Variants in PPP1R9A observed in about 807,000 individuals in gnomAD.
The protein encoded by PPP1R9A is protein phosphatase 1 regulatory subunit 9A.
Under a neutral mutation model 141.9 loss-of-function variants are expected in PPP1R9A, and 59 were observed. The observed-to-expected ratio is 0.42, with a 90% CI of 0.34 to 0.52. The LOEUF (loss-of-function observed/expected upper bound fraction) is 0.52. PPP1R9A is among the 20% of genes least tolerant of loss of function. The pLI, the probability that PPP1R9A is intolerant of heterozygous loss-of-function variation, is 0.10. For synonymous variants in PPP1R9A, 500 were observed against 569.7 expected (o/e 0.88, Z 1.74); for missense variants, 1,444 against 1,611.9 (o/e 0.90, Z 1.78).
Position 94,988,326 on chromosome 7 carries a change from G to T in PPP1R9A, c.1395+76818G>T, listed in dbSNP as rs116968332. 2.6e-3 allele frequency among the ~76,000 whole-genome samples: 388 copies of T among 152,070 alleles called. 2 individuals carry two copies. The highest frequency in any genetic ancestry group is 3.1e-3 in the Non-Finnish European group (211 of 67,920). ...ATCCTCCATATCTTCTCATATTCTGGTGCTTATTTTACATATTTGTAACTT... is the reference window on the plus strand; with the variant it reads ...ATCCTCCATATCTTCTCATATTCTGTTGCTTATTTTACATATTTGTAACTT... On this transcript the variant is annotated intron_variant, in intron 2 of 19. Transcript: ENST00000433360.
chr7:95,121,840 T>C (rs1225117675), intron 4 of PPP1R9A, among the ~76,000 whole-genome samples: 2 of 152,152 alleles, frequency 1.3e-5, no homozygotes, highest in Non-Finnish European at 2.9e-5. Flanking sequence ...GATAATGACA[T>C]TGATCTATTT....
intron 4 of PPP1R9A, among the ~76,000 whole-genome samples, chr7:95,134,274 T>C (rs1395208446): frequency 2.0e-5 from 3 of 151,960 alleles, no homozygotes. Flanking sequence ...ACAATGAGAA[T>C]ACATGGACAC....
rs764477127 is a variant in PPP1R9A at position 94,910,088 on chromosome 7, A to G, written c.-26A>G. 3 of 1,577,478 alleles carry G rather than the reference A, an allele frequency of 1.9e-6. No homozygotes were observed. The East Asian group carries it at 6.7e-5, about 35-fold the overall frequency. Reference sequence around the variant, plus strand: ...GTTTTTTTCTTTGATCATTATGAACATTGGCTTTTCACCCCTGAAGTGAAA... The same window carrying G: ...GTTTTTTTCTTTGATCATTATGAACGTTGGCTTTTCACCCCTGAAGTGAAA... On this transcript the variant is annotated 5_prime_UTR_variant, in exon 2 of 20. Transcript: ENST00000433360. This position sits in a 1 kb window ranked among gnomAD's most constrained non-coding sequence, Gnocchi z 4.5.
At chr7:94,992,432 T>G (rs1801631916) in intron 2 of PPP1R9A, among the ~76,000 whole-genome samples, 1 of 152,236 alleles carries the variant, frequency 6.6e-6, no homozygotes, top group South Asian at 2.1e-4. Context: ...CAAATAGAGC[T>G]GCTATGAACA....
intron 4 of PPP1R9A, chr7:95,155,269 C>T (rs1256767464): frequency 2.1e-5 from 3 of 143,772 alleles, no homozygotes; most frequent in Non-Finnish European, 4.5e-5. Flanking sequence ...TTACTTCAGT[C>T]TTGACCTCCC....
At chr7:94,992,971 A>T (rs1450845005) in intron 2 of PPP1R9A, among the ~76,000 whole-genome samples, 1 of 152,180 alleles carries the variant, frequency 6.6e-6, no homozygotes, top group South Asian at 2.1e-4. Context: ...ATCCAAGGTC[A>T]CAAATATATT....
intron 2 of PPP1R9A, among the ~76,000 whole-genome samples, chr7:94,960,362 G>C (rs1797499562): frequency 6.6e-6 from 1 of 151,484 alleles, no homozygotes; most frequent in Non-Finnish European, 1.5e-5. Context: ...CCAGCTTTGT[G>C]TGTGTCCTCT....
chr7:95,176,121 C>A (rs1306215123), intron 5 of PPP1R9A, among the ~76,000 whole-genome samples: 1 of 151,816 alleles, frequency 6.6e-6, no homozygotes, highest in Non-Finnish European at 1.5e-5. Context: ...CAGGAGACAC[C>A]CCAAATATTT....
chr7:95,262,292 C>T (rs898240842), intron 12 of PPP1R9A, among the ~76,000 whole-genome samples: 1 of 152,184 alleles, frequency 6.6e-6, no homozygotes, highest in Non-Finnish European at 1.5e-5. Context: ...CAGTCCCCAA[C>T]TAGTTTGTCA....
chr7:94,987,828 C>T (rs1801035140), intron 2 of PPP1R9A, among the ~76,000 whole-genome samples: 1 of 151,880 alleles, frequency 6.6e-6, no homozygotes, highest in African/African-American at 2.4e-5. Flanking sequence ...TTCTCAATTC[C>T]TCCTTATCTT....
chr7:95,019,821 C>T (rs968269001), intron 2 of PPP1R9A, among the ~76,000 whole-genome samples: 9 of 152,064 alleles, frequency 5.9e-5, no homozygotes, highest in Non-Finnish European at 1.3e-4. Context: ...TAAACATCCC[C>T]CCTCGCCCAA....
At chr7:95,266,166 G>A (rs1585539894) in intron 12 of PPP1R9A, among the ~76,000 whole-genome samples, 1 of 152,120 alleles carries the variant, frequency 6.6e-6, no homozygotes, top group East Asian at 1.9e-4. Context: ...AGATCCTCAG[G>A]GCCAGCATTC....
chr7:95,078,042 C>T (rs1348041062), intron 2 of PPP1R9A, among the ~76,000 whole-genome samples: 2 of 150,468 alleles, frequency 1.3e-5, no homozygotes, highest in Admixed American at 1.3e-4. Context: ...AGGTTAGTTA[C>T]ATATGTATAC....
intron 2 of PPP1R9A, among the ~76,000 whole-genome samples, chr7:95,064,569 T>A (rs542147215): frequency 6.6e-6 from 1 of 152,334 alleles, no homozygotes; most frequent in South Asian, 2.1e-4. Context: ...GAAGGAAAAG[T>A]GCACCTTATT....
intron 16 of PPP1R9A, 77 bp from the exon 17 acceptor site, chr7:95,283,941 A>T (rs1804770998): frequency 7.9e-7 from 1 of 1,258,836 alleles, no homozygotes; most frequent in Non-Finnish European, 1.1e-6. Context: ...TTCAAACTAT[A>T]TTCAGAGTCC....
intron 3 of PPP1R9A, among the ~76,000 whole-genome samples, chr7:95,117,341 A>C (rs1821701376): frequency 1.3e-5 from 2 of 151,980 alleles, no homozygotes; most frequent in Non-Finnish European, 2.9e-5. Context: ...CACTCAGAGA[A>C]AGCTGTATGT....
At chr7:95,109,378 G>T (rs1202912432) in intron 2 of PPP1R9A, among the ~76,000 whole-genome samples, 1 of 152,156 alleles carries the variant, frequency 6.6e-6, no homozygotes, top group Non-Finnish European at 1.5e-5. Flanking sequence ...TAAACTGTAA[G>T]CTACTAGAAA....
At chr7:95,116,157 T>A (rs1029627650) in intron 3 of PPP1R9A, among the ~76,000 whole-genome samples, 2 of 152,120 alleles carry the variant, frequency 1.3e-5, no homozygotes, top group African/African-American at 2.4e-5. Flanking sequence ...ATGCAAACTA[T>A]AAATTTACAA....
At chr7:95,165,141 A>G (rs756843683) in intron 5 of PPP1R9A, among the ~76,000 whole-genome samples, 18 of 152,220 alleles carry the variant, frequency 1.2e-4, no homozygotes, top group Non-Finnish European at 2.1e-4. Context: ...TTTTCTACAT[A>G]GCATTCATTT....
Sources: gnomAD v4.1 joint callset for allele counts (sites outside exome capture counted in the v4.1 genomes callset) on GRCh38, gnomAD v4.1.1 for gene constraint, Gnocchi (gnomAD v3.1) non-coding constraint, MANE v1.5 for transcripts, NCBI Gene and HGNC (gene_info 2026-07-23, HGNC 2026-07-21) for gene names.